The following PLIN1 variants were observed in gnomAD, a reference collection of about 807,000 sequenced individuals.
PLIN1 encodes perilipin 1.
A neutral mutation model predicts 45.8 loss-of-function variants in PLIN1; 37 were observed. The ratio of observed to expected loss-of-function variants is 0.81; its 90% CI spans 0.62 to 1.06. The LOEUF is 1.06. Ranked by LOEUF, PLIN1 falls within the 50% of genes least tolerant of loss-of-function variation. PLIN1 has a pLI of 0.00. For synonymous variants in PLIN1, 340 were observed against 309.2 expected, an observed-to-expected ratio of 1.10 and a Z score of -1.05; for missense variants, 776 against 716.5, an observed-to-expected ratio of 1.08 and a Z score of -0.95.
intron 2 of PLIN1, among the ~76,000 whole-genome samples, chr15:89,676,184 C>T (rs1268778664): frequency 6.6e-6 from 1 of 152,154 alleles, no homozygotes; most frequent in Non-Finnish European, 1.5e-5. Flanking sequence ...CAAAGACCCC[C>T]ATCAATGACA....
chr15:89,672,131 G>A (rs568331517), intron 3 of PLIN1, among the ~76,000 whole-genome samples: 15 of 152,278 alleles, frequency 9.9e-5, no homozygotes, highest in Admixed American at 7.8e-4. Flanking sequence ...CAGGCCCCAG[G>A]CCGTCCATGC....
intron 4 of PLIN1, 151 bp downstream of exon 4, chr15:89,671,331 C>G (rs967149201): frequency 3.1e-6 from 2 of 648,480 alleles, no homozygotes; most frequent in African/African-American, 3.6e-5. Flanking sequence ...TGTTGTGTGG[C>G]CTTGGGAGCA....
rs1296108996 is a variant in PLIN1 at position 89,667,168 on chromosome 15, G to A, written c.977C>T (p.Pro326Leu). 7.4e-6 allele frequency: 12 copies of A among 1,613,326 alleles called. No individual in the cohort carries two copies. The highest frequency in any genetic ancestry group is 1.0e-5 in the Non-Finnish European group (12 of 1,179,984). The change falls in exon 8 of 9, where the codon CCA (proline) becomes CTA (leucine). Residue 326 changes from proline (P) to leucine (L), a missense_variant. Physicochemically the swap from Pro to Leu is moderately conservative, Grantham distance 98. Coordinates refer to ENST00000300055, the MANE Select transcript of PLIN1 (RefSeq NM_002666.5). ...ENKFSEVAALPGPRGLLGGVA... is the reference protein window; with the variant it reads ...ENKFSEVAALLGPRGLLGGVA... ...ACCACCCAGGAGGCCTCGAGGGCCT[G>A]GCAGGGCTGCTACCTGGGGGCCAAA...
intron 4 of PLIN1, 33 bp downstream of exon 4, chr15:89,671,449 G>A: frequency 7.0e-7 from 1 of 1,433,484 alleles, no homozygotes; most frequent in South Asian, 1.2e-5. Context: ...ACGACAGAGT[G>A]CAGGGAGGCT....
At chr15:89,670,783 G>C (rs1211180685) in intron 4 of PLIN1, among the ~76,000 whole-genome samples, 1 of 152,194 alleles carries the variant, frequency 6.6e-6, no homozygotes, top group Non-Finnish European at 1.5e-5. Flanking sequence ...ACTTAAGGCT[G>C]TGTGGCCGTG....
Position 89,665,847 on chromosome 15 carries a change from C to T in PLIN1, c.1305G>A (p.Ala435=), listed in dbSNP as rs1454435794. The stretch of plus-strand genomic sequence containing the variant: ...CCGGGCCGGCGGACGGCGCCCCAGA[C>T]GCTCTGCGCTCCGCCTCCCGGCGCT... The part of the protein sequence containing the change: ...EVERREAERR[A]SGAPSAGPEP... The change falls in exon 9 of 9, where the codon GCG becomes GCA. Residue 435 remains alanine, a synonymous_variant. Coordinates refer to ENST00000300055, the MANE Select transcript of PLIN1 (RefSeq NM_002666.5). 6 of 1,470,090 alleles carry T rather than the reference C, an allele frequency of 4.1e-6. No homozygotes were observed. The highest frequency in any genetic ancestry group is 5.4e-6 in the Non-Finnish European group (6 of 1,113,690). The allele number at this position is 1,470,090 out of a possible 1,614,324, so 91.1% of individuals were successfully genotyped here. A position where few individuals can be genotyped will look rare whatever the true frequency, so the allele number is the denominator to read the frequency against.
In PLIN1 at chr15:89,671,226, C is replaced by A. The variant is rs533561762; in HGVS notation, c.333+256G>T. Among the ~76,000 whole-genome samples the A allele has an allele frequency of 3.3e-3, 502 of 152,292 alleles. 4 individuals carry two copies. The highest frequency in any genetic ancestry group is 0.012 in the African/African-American group (479 of 41,544). ...GTGCGGTATCGGGAGGCAGTGGGAC[C>A]CGCCTCAAGCTCCTGTTTGGGTTTG... On this transcript the variant is annotated intron_variant, in intron 4 of 8. Coordinates refer to ENST00000300055, the MANE Select transcript of PLIN1 (RefSeq NM_002666.5).
chr15:89,675,009 G>A (rs1429085127), intron 2 of PLIN1, among the ~76,000 whole-genome samples: 1 of 152,092 alleles, frequency 6.6e-6, no homozygotes, highest in African/African-American at 2.4e-5. Context: ...CCGGCTACTC[G>A]GGAACCTGAG....
intron 2 of PLIN1, among the ~76,000 whole-genome samples, chr15:89,674,454 C>T (rs750365985): frequency 1.3e-5 from 2 of 152,130 alleles, no homozygotes; most frequent in East Asian, 1.9e-4. Flanking sequence ...GGGGTCTTGC[C>T]GGTCTTGAAC....
At chr15:89,677,990 C>T (rs1964545591) in intron 1 of PLIN1, 1 of 157,720 alleles carries the variant, frequency 6.3e-6, no homozygotes, top group African/African-American at 2.4e-5. Flanking sequence ...AACTCCTGAC[C>T]TCAAGTGATC....
intron 2 of PLIN1, chr15:89,677,221 C>T: frequency 1.7e-6 from 1 of 592,930 alleles, no homozygotes; most frequent in Non-Finnish European, 3.0e-6. Flanking sequence ...CCCTTTTTTT[C>T]AAGGTGCTTA....
Position 89,671,495 on chromosome 15 carries a change from T to A in PLIN1, c.320A>T (p.Tyr107Phe). ...HLEEKIPALQ[Y>F]PPEKIASELK... is the part of the protein sequence containing the mutation. ...GGAAGGGCTCACCTTTTCAGGGGGG[T>A]ACTGGAGGGCGGGGATCTTTTCCTC... Residue 107 changes from tyrosine (Y) to phenylalanine (F), a missense_variant, in exon 4 of 9, where the codon TAC (tyrosine) becomes TTC (phenylalanine). Physicochemically the swap from Tyr to Phe is conservative, Grantham distance 22. Transcript: ENST00000300055. 1 of 1,568,910 alleles carries A rather than the reference T, an allele frequency of 6.4e-7. No homozygotes were observed. The highest frequency in any genetic ancestry group is 8.6e-7 in the Non-Finnish European group (1 of 1,156,112).
Position 89,669,636 on chromosome 15 carries a change from G to C in PLIN1, c.635C>G (p.Pro212Arg). ...GCTCAAGAGGCTTGGCTTGGCCTTG[G>C]GAGACTTCTGGGCTTGCTGGTGTCC... ...APGHQQAQKS[P>R]KAKPSLLSRV... is the part of the protein sequence containing the mutation. The change falls in exon 6 of 9, where the codon CCC becomes CGC. Residue 212 changes from proline (P) to arginine (R), a missense_variant. Physicochemically the swap from Pro to Arg is moderately radical, Grantham distance 103. Transcript: ENST00000300055. The C allele has an allele frequency of 6.2e-7, 1 of 1,614,076 alleles. No homozygotes were observed. The highest frequency in any genetic ancestry group is 8.5e-7 in the Non-Finnish European group (1 of 1,180,008).
chr15:89,665,090 G>C lies in PLIN1; in HGVS notation c.*493C>G. On this transcript the variant is annotated 3_prime_UTR_variant, in exon 9 of 9. Coordinates refer to ENST00000300055, the MANE Select transcript of PLIN1 (RefSeq NM_002666.5). The stretch of plus-strand genomic sequence containing the variant: ...CCTGCTGGGAGCCTAGATCATCAGA[G>C]GATGTTCATCAGAGGGGGAACAGAT... The C allele has an allele frequency of 2.7e-6, 1 of 370,238 alleles. No individual in the cohort carries two copies. The highest frequency in any genetic ancestry group is 5.3e-6 in the Non-Finnish European group (1 of 186,926). The allele number at this position is 370,238 out of a possible 1,614,324, so 22.9% of individuals were successfully genotyped here.
rs201650495 is a variant in PLIN1, at chr15:89,674,083, G to C, written c.46-669C>G. On this transcript the variant is annotated intron_variant, in intron 2 of 8. Coordinates refer to ENST00000300055, the MANE Select transcript of PLIN1 (RefSeq NM_002666.5). Reference sequence around the variant, plus strand: ...GTCATCTCCGCATCCCCAGAGTGTAGGCCAAACATGGCACAGTAATATTAG... The same window carrying C: ...GTCATCTCCGCATCCCCAGAGTGTACGCCAAACATGGCACAGTAATATTAG... Among the ~76,000 whole-genome samples, 19 of 152,262 alleles carry C rather than the reference G, an allele frequency of 1.2e-4. No homozygotes were observed. The East Asian group carries it at 3.5e-3, about 28-fold the overall frequency.
chr15:89,678,777 T>C (rs1358763812), intron 1 of PLIN1, among the ~76,000 whole-genome samples: 5 of 152,024 alleles, frequency 3.3e-5, no homozygotes, highest in African/African-American at 1.2e-4. Context: ...AGTTAAAGGT[T>C]TCATCTTTGA....
In PLIN1 at chr15:89,671,553, T is replaced by C. The variant is rs1015016494; in HGVS notation, c.262A>G (p.Asn88Asp). The part of the protein sequence containing the change: ...RRLSTQFTAA[N>D]ELACRGLDHL... Reference sequence around the variant, plus strand: ...TCCAAGCCTCGGCAGGCCAGCTCATTGGCAGCTGTGACTGGAAGGAAAGGG... The same window carrying C: ...TCCAAGCCTCGGCAGGCCAGCTCATCGGCAGCTGTGACTGGAAGGAAAGGG... Residue 88 changes from asparagine (N) to aspartate (D), a missense_variant, in exon 4 of 9, where the codon AAT becomes GAT. Asn to Asp is a conservative substitution (Grantham distance 23). Coordinates refer to ENST00000300055, the MANE Select transcript of PLIN1 (RefSeq NM_002666.5). The C allele has an allele frequency of 3.2e-6, 5 of 1,565,698 alleles. No homozygotes were observed. Among genetic ancestry groups the C allele is most frequent in the Non-Finnish European group, 4.3e-6 (5 of 1,154,626 alleles).
chr15:89,666,974 T>C lies in PLIN1; in HGVS notation c.1171A>G (p.Thr391Ala), dbSNP rs1332313794. 3.1e-6 allele frequency: 5 copies of C among 1,614,080 alleles called. No homozygotes were observed. Among genetic ancestry groups the C allele is most frequent in the East Asian group, 2.2e-5 (1 of 44,866 alleles). Residue 391 changes from threonine to alanine, a missense_variant, in exon 8 of 9, where the codon ACT (threonine) becomes GCT (alanine). Coordinates refer to ENST00000300055, the MANE Select transcript of PLIN1 (RefSeq NM_002666.5). Reference sequence around the variant, plus strand: ...ACCACTGTGTCCACCACGTTGTCAGTAACGCCCTTCAGGGCATCTGATAGG... The same window carrying C: ...ACCACTGTGTCCACCACGTTGTCAGCAACGCCCTTCAGGGCATCTGATAGG... Reference protein sequence around the residue: ...MSLSDALKGVTDNVVDTVVHY... With the variant: ...MSLSDALKGVADNVVDTVVHY...
chr15:89,673,566 A>G (rs1188788988), intron 2 of PLIN1, 152 bp from the exon 3 acceptor site: 5 of 680,352 alleles, frequency 7.3e-6, no homozygotes, highest in South Asian at 3.3e-5. Flanking sequence ...AGATGCCCCA[A>G]TCATGGGAGC....
Sources: allele counts gnomAD v4.1 joint callset (sites outside exome capture counted in the v4.1 genomes callset), GRCh38; gene constraint gnomAD v4.1.1; transcripts MANE v1.5; gene names NCBI Gene and HGNC (gene_info 2026-07-23, HGNC 2026-07-21).